Variants in SLC39A11 observed in about 807,000 individuals in gnomAD.
SLC39A11 encodes the protein zinc transporter ZIP11.
In SLC39A11, 33 loss-of-function variants were observed where a neutral mutation model predicts 36.1. That is an observed-to-expected ratio of 0.91 (90% CI 0.69 to 1.22). SLC39A11 has a LOEUF of 1.22. Ranked by LOEUF, SLC39A11 falls within the 50% of genes most tolerant of loss-of-function variation. SLC39A11 has a pLI of 0.00. For synonymous variants in SLC39A11, 166 were observed against 170.3 expected, an observed-to-expected ratio of 0.97 and a Z score of 0.20; for missense variants, 432 against 430.3, an observed-to-expected ratio of 1.00 and a Z score of -0.03.
intron 6 of SLC39A11, among the ~76,000 whole-genome samples, chr17:72,804,005 G>C (rs909584715): frequency 6.7e-6 from 1 of 149,704 alleles, no homozygotes; most frequent in Admixed American, 6.6e-5. Context: ...TCTTTTTTGG[G>C]TGGGGGCGGG....
intron 6 of SLC39A11, among the ~76,000 whole-genome samples, chr17:72,828,357 T>A (rs1420634772): frequency 6.6e-6 from 1 of 152,076 alleles, no homozygotes; most frequent in Non-Finnish European, 1.5e-5. Flanking sequence ...CAACTGGGCA[T>A]TGCAGGGGAA....
intron 6 of SLC39A11, among the ~76,000 whole-genome samples, chr17:72,752,919 C>T (rs547073510): frequency 1.3e-3 from 205 of 152,192 alleles, no homozygotes; most frequent in African/African-American, 4.8e-3. Flanking sequence ...GCAATGGTGC[C>T]ATCATGGCTC....
chr17:73,086,611 G>A (rs1320538537), intron 2 of SLC39A11, among the ~76,000 whole-genome samples: 1 of 152,128 alleles, frequency 6.6e-6, no homozygotes, highest in Non-Finnish European at 1.5e-5. Context: ...CTTGAGGTCA[G>A]GAGCTCAAAA....
intron 4 of SLC39A11, among the ~76,000 whole-genome samples, chr17:73,003,912 C>T (rs578164745): frequency 2.0e-4 from 31 of 152,012 alleles, no homozygotes; most frequent in African/African-American, 7.0e-4. Context: ...ATGGTGAAAC[C>T]CCGTCTCTAC....
At chr17:72,854,041 A>G (rs2146087180) in intron 5 of SLC39A11, among the ~76,000 whole-genome samples, 1 of 152,314 alleles carries the variant, frequency 6.6e-6, no homozygotes, top group East Asian at 1.9e-4. Context: ...GAAATAGTCA[A>G]TGTCAAACTC....
chr17:73,010,789 T>G (rs575871212), intron 4 of SLC39A11, among the ~76,000 whole-genome samples: 12 of 152,252 alleles, frequency 7.9e-5, no homozygotes, highest in Middle Eastern at 3.2e-3. Flanking sequence ...TTTAATTATC[T>G]GTGCTTCATG....
In SLC39A11 at chr17:72,666,426, C is replaced by T. The variant is rs555424797; in HGVS notation, c.672-17158G>A. Among the ~76,000 whole-genome samples, 10 of 152,320 alleles carry T rather than the reference C, an allele frequency of 6.6e-5. 1 individual carries two copies. The highest frequency in any genetic ancestry group is 6.8e-3 in the Middle Eastern group (2 of 294). ...TGAAAGGGCTCCTTTCTTTTCTACCCGCAAAACAATCTTCTGGGCACAATC... is the reference window on the plus strand; with the variant it reads ...TGAAAGGGCTCCTTTCTTTTCTACCTGCAAAACAATCTTCTGGGCACAATC... On this transcript the variant is annotated intron_variant, in intron 7 of 9. Transcript: ENST00000255559.
chr17:72,955,283 T>C (rs567027666), intron 4 of SLC39A11, among the ~76,000 whole-genome samples: 54 of 148,422 alleles, frequency 3.6e-4, no homozygotes, highest in African/African-American at 1.3e-3. Context: ...GAATAGGCTT[T>C]AACTTTTCAG....
At chr17:72,809,099 C>T (rs942141337) in intron 6 of SLC39A11, among the ~76,000 whole-genome samples, 1 of 152,128 alleles carries the variant, frequency 6.6e-6, no homozygotes, top group Non-Finnish European at 1.5e-5. Context: ...TCTCTAAGAT[C>T]CTGCAGCAGA....
chr17:72,870,747 T>G (rs1488679326), intron 5 of SLC39A11, among the ~76,000 whole-genome samples: 3 of 152,264 alleles, frequency 2.0e-5, no homozygotes, highest in Non-Finnish European at 4.4e-5. Context: ...ATCTTTTAAC[T>G]GGAAAAGGTT....
chr17:73,088,506 TAAG>T lies in SLC39A11; in HGVS notation c.108+148_108+150del, dbSNP rs2060814782. On this transcript the variant is annotated intron_variant, in intron 2 of 9. Coordinates refer to ENST00000255559, the MANE Select transcript of SLC39A11 (RefSeq NM_139177.4). ...GCCTGGCAGGGAGAAGGTGAGAAAATAAGAAGACAGCGAACAAACCCCAGTACA... is the reference window on the plus strand; with the variant it reads ...GCCTGGCAGGGAGAAGGTGAGAAAATAAGACAGCGAACAAACCCCAGTACA... The T allele has an allele frequency of 1.6e-5, 10 of 606,250 alleles. No individual in the cohort carries two copies. The East Asian group carries it at 2.9e-4, about 18-fold the overall frequency. 37.6% of individuals were successfully genotyped at this position (606,250 alleles called of 1,614,324 possible). A position where few individuals can be genotyped will look rare whatever the true frequency, so the allele number is the denominator to read the frequency against.
intron 4 of SLC39A11, among the ~76,000 whole-genome samples, chr17:72,950,247 A>G (rs1272036025): frequency 1.3e-5 from 2 of 152,218 alleles, no homozygotes; most frequent in African/African-American, 4.8e-5. Context: ...AACACACACA[A>G]AAAAGCCTCC....
chr17:72,738,907 G>A (rs977185237), intron 6 of SLC39A11, among the ~76,000 whole-genome samples: 4 of 152,126 alleles, frequency 2.6e-5, no homozygotes, highest in African/African-American at 4.8e-5. Context: ...AGACACCTGG[G>A]GACAAGAAGG....
intron 5 of SLC39A11, among the ~76,000 whole-genome samples, chr17:72,920,947 C>A (rs774428677): frequency 9.2e-5 from 14 of 152,122 alleles, no homozygotes; most frequent in Non-Finnish European, 1.8e-4. Context: ...CACCATCTAA[C>A]GCACTATGTA....
chr17:73,029,118 A>C (rs1568151822), intron 4 of SLC39A11, among the ~76,000 whole-genome samples: 3 of 145,166 alleles, frequency 2.1e-5, no homozygotes, highest in Non-Finnish European at 3.0e-5. Flanking sequence ...ACGCCGTCAC[A>C]CACACACAAA....
chr17:72,739,390 G>A (rs537754623), intron 6 of SLC39A11, among the ~76,000 whole-genome samples: 1 of 152,308 alleles, frequency 6.6e-6, no homozygotes, highest in African/African-American at 2.4e-5. Context: ...GCCTCCCAAA[G>A]TGCTGGGATT....
intron 5 of SLC39A11, among the ~76,000 whole-genome samples, chr17:72,932,082 C>T (rs1169556211): frequency 2.0e-5 from 3 of 152,138 alleles, no homozygotes; most frequent in Non-Finnish European, 4.4e-5. Flanking sequence ...AGCTCTTTGG[C>T]TATTTTTACT....
chr17:73,014,704 G>C (rs1274748557), intron 4 of SLC39A11, among the ~76,000 whole-genome samples: 1 of 152,190 alleles, frequency 6.6e-6, no homozygotes, highest in East Asian at 1.9e-4. Flanking sequence ...GGCCCACGTT[G>C]CTTCACCAAG....
At chr17:72,915,460 T>C (rs2083277527) in intron 5 of SLC39A11, among the ~76,000 whole-genome samples, 1 of 152,190 alleles carries the variant, frequency 6.6e-6, no homozygotes. Context: ...CCTGGTGCTT[T>C]CCTGTGGCCT....
Sources: allele counts gnomAD v4.1 joint callset (sites outside exome capture counted in the v4.1 genomes callset), GRCh38; gene constraint gnomAD v4.1.1; transcripts MANE v1.5; gene names NCBI Gene and HGNC (gene_info 2026-07-23, HGNC 2026-07-21).